RTN1: variants seen among roughly 807,000 people sequenced by gnomAD.
RTN1 encodes the protein reticulon 1, also known as reticulon-1.
RTN1 carries 25 observed loss-of-function variants against 65.5 expected under a neutral mutation model. The ratio of observed to expected loss-of-function variants is 0.38; its 90% CI spans 0.28 to 0.53. RTN1 has a LOEUF of 0.53. Ranked by LOEUF, RTN1 falls within the 20% of genes least tolerant of loss-of-function variation. The probability of loss-of-function intolerance (pLI) is 0.79; values close to 1 mark genes in which losing one functional copy is unlikely to be tolerated. For missense variants in RTN1, 983 were observed against 1,025.4 expected (o/e 0.96, Z 0.57); for synonymous variants, 471 against 447.6 (o/e 1.05, Z -0.66).
intron 3 of RTN1, among the ~76,000 whole-genome samples, chr14:59,660,135 G>C (rs957334041): frequency 6.6e-6 from 1 of 152,100 alleles, no homozygotes; most frequent in African/African-American, 2.4e-5. Flanking sequence ...GATCAAAAGA[G>C]ACAAAGAAGG....
chr14:59,603,602 TACAAGCCAGAA>T (rs1881648465), intron 6 of RTN1, among the ~76,000 whole-genome samples: 1 of 151,844 alleles, frequency 6.6e-6, no homozygotes, highest in African/African-American at 2.4e-5. Context: ...ATATATATAT[TACAAGCCAGAA>T]AGAAGCCAGT....
intron 3 of RTN1, among the ~76,000 whole-genome samples, chr14:59,721,062 C>G (rs1884637179): frequency 6.6e-6 from 1 of 151,766 alleles, no homozygotes. Context: ...TTTTGGTTCC[C>G]TCCCAAATAT....
chr14:59,683,950 T>A (rs771378792), intron 3 of RTN1, among the ~76,000 whole-genome samples: 9 of 152,084 alleles, frequency 5.9e-5, no homozygotes, highest in Non-Finnish European at 1.2e-4. Flanking sequence ...GCCCTTTGAG[T>A]TAGTGCCTTA....
intron 5 of RTN1, chr14:59,604,128 T>A (rs953150860): frequency 1.6e-5 from 6 of 366,942 alleles, no homozygotes; most frequent in Non-Finnish European, 2.6e-5. Context: ...CACTTTGTTA[T>A]AAGGTTTGAG....
rs1324121222 is a variant in RTN1, at chr14:59,607,425, C to T, written c.1833G>A (p.Leu611=). The change falls in exon 4 of 9, where the codon CTG becomes CTA. Residue 611 remains leucine, a synonymous_variant. Transcript: ENST00000267484. ...CGCTGAACTGGGTCAGGGAGAAGAG[C>T]AGCAGCAGGAAACTCCCAAACACGA... The part of the protein sequence containing the change: ...TGIVFGSFLL[L]LFSLTQFSVV... 4 of 1,613,540 alleles carry T rather than the reference C, an allele frequency of 2.5e-6. No homozygotes were observed. The highest frequency in any genetic ancestry group is 3.4e-6 in the Non-Finnish European group (4 of 1,179,756).
In RTN1 at chr14:59,603,813, G is replaced by C. The variant is rs375889807; in HGVS notation, c.2182+39C>G. ...CCTAGGAAGCAGCGTTTTCACAGAG[G>C]GGGTGAAGGAAGACGTATACAGTCT... On this transcript the variant is annotated intron_variant, in intron 6 of 8. Coordinates refer to ENST00000267484, the MANE Select transcript of RTN1 (RefSeq NM_021136.3). 47 of 1,531,580 alleles carry C rather than the reference G, an allele frequency of 3.1e-5. No individual in the cohort carries two copies. In the African/African-American group the frequency reaches 3.7e-4, roughly 12 times the overall value. 94.9% of individuals were successfully genotyped at this position (1,531,580 alleles called of 1,614,324 possible).
intron 3 of RTN1, among the ~76,000 whole-genome samples, chr14:59,724,851 C>T (rs539055013): frequency 6.6e-6 from 1 of 152,314 alleles, no homozygotes; most frequent in South Asian, 2.1e-4. Context: ...GCTGAATCAC[C>T]TGCTCAGGAC....
At chr14:59,722,493 G>A (rs1884666602) in intron 3 of RTN1, among the ~76,000 whole-genome samples, 1 of 152,096 alleles carries the variant, frequency 6.6e-6, no homozygotes, top group Non-Finnish European at 1.5e-5. Context: ...CTGGAAAAGA[G>A]GTCAGAGAGT....
intron 1 of RTN1, among the ~76,000 whole-genome samples, chr14:59,780,944 C>T (rs1218190919): frequency 6.6e-6 from 1 of 152,204 alleles, no homozygotes; most frequent in African/African-American, 2.4e-5. Flanking sequence ...TCTCCCCTCT[C>T]CCTACAGTAC....
intron 3 of RTN1, among the ~76,000 whole-genome samples, chr14:59,699,584 C>A (rs1336613355): frequency 1.3e-5 from 2 of 152,072 alleles, no homozygotes; most frequent in East Asian, 3.8e-4. Context: ...TAGCTCTTGG[C>A]CAGAGATTTA....
intron 3 of RTN1, among the ~76,000 whole-genome samples, chr14:59,638,144 G>T (rs549599390): frequency 1.6e-5 from 2 of 123,038 alleles, no homozygotes; most frequent in African/African-American, 6.1e-5. Context: ...GAGCCACTGC[G>T]CCCAGCCACA....
intron 1 of RTN1, among the ~76,000 whole-genome samples, chr14:59,785,632 C>A (rs1886237259): frequency 6.6e-6 from 1 of 152,208 alleles, no homozygotes; most frequent in Non-Finnish European, 1.5e-5. Flanking sequence ...ATCCACCACA[C>A]CCTCTATGCC....
intron 1 of RTN1, among the ~76,000 whole-genome samples, chr14:59,778,392 A>C (rs1391684975): frequency 1.3e-5 from 2 of 152,184 alleles, no homozygotes; most frequent in Non-Finnish European, 2.9e-5. Context: ...TAGATATTTT[A>C]AACTCTGTTT....
intron 1 of RTN1, among the ~76,000 whole-genome samples, chr14:59,856,012 G>A (rs1887600896): frequency 6.6e-6 from 1 of 152,056 alleles, no homozygotes; most frequent in South Asian, 2.1e-4. Context: ...TTTTTTGTGG[G>A]TGTTTTTTGT....
At chr14:59,756,347 T>A (rs12894486) in intron 1 of RTN1, among the ~76,000 whole-genome samples, 56,855 of 152,106 alleles carry the variant, frequency 0.37, 10,785 homozygotes, top group Middle Eastern at 0.45. Flanking sequence ...AAAAGGTGCC[T>A]AAAATCCTAT....
intron 4 of RTN1, chr14:59,605,826 G>A: frequency 4.5e-6 from 1 of 223,268 alleles, no homozygotes. Flanking sequence ...CAGCTCATTT[G>A]CTGAATTCTC....
At chr14:59,714,609 A>G (rs1884495549) in intron 3 of RTN1, among the ~76,000 whole-genome samples, 1 of 152,116 alleles carries the variant, frequency 6.6e-6, no homozygotes, top group South Asian at 2.1e-4. Flanking sequence ...CTCACATTCT[A>G]TTGGTAAGAA....
chr14:59,858,170 C>T (rs1355329275), intron 1 of RTN1, among the ~76,000 whole-genome samples: 2 of 152,170 alleles, frequency 1.3e-5, no homozygotes, highest in Non-Finnish European at 1.5e-5. Flanking sequence ...ATGGCTCATG[C>T]TCCTCTATTC....
At chr14:59,831,794 C>A (rs1475447968) in intron 1 of RTN1, among the ~76,000 whole-genome samples, 1 of 151,910 alleles carries the variant, frequency 6.6e-6, no homozygotes, top group African/African-American at 2.4e-5. Flanking sequence ...GGTTCTGTCT[C>A]TCTGGAGAAC....
Sources: gnomAD v4.1 joint callset for allele counts (sites outside exome capture counted in the v4.1 genomes callset) on GRCh38, gnomAD v4.1.1 for gene constraint, MANE v1.5 for transcripts, NCBI Gene and HGNC (gene_info 2026-07-23, HGNC 2026-07-21) for gene names.